NRXN1: variants seen among roughly 807,000 people sequenced by gnomAD.
NRXN1 encodes the protein neurexin-1.
Under a neutral mutation model 150.9 loss-of-function variants are expected in NRXN1, and 39 were observed. The ratio of observed to expected loss-of-function variants is 0.26; its 90% CI spans 0.20 to 0.34. The LOEUF (loss-of-function observed/expected upper bound fraction) is 0.34, where lower values mean the gene tolerates loss of function less well. Among genes scored for constraint, NRXN1 ranks in the 10% least tolerant of loss-of-function variants. The pLI, the probability that NRXN1 is intolerant of heterozygous loss-of-function variation, is 1.00. For synonymous variants in NRXN1, 924 were observed against 757.0 expected, an observed-to-expected ratio of 1.22 and a Z score of -3.62; for missense variants, 1,815 against 1,949.9, an observed-to-expected ratio of 0.93 and a Z score of 1.30.
At chr2:50,253,176 G>C (rs768386076) in intron 17 of NRXN1, among the ~76,000 whole-genome samples, 2 of 151,976 alleles carry the variant, frequency 1.3e-5, no homozygotes, top group Admixed American at 1.3e-4. Flanking sequence ...TGTAGTAATT[G>C]TGAATGGGAG....
At chr2:50,813,754 T>C (rs1229108878) in intron 5 of NRXN1, among the ~76,000 whole-genome samples, 8 of 152,098 alleles carry the variant, frequency 5.3e-5, no homozygotes, top group Non-Finnish European at 1.2e-4. Flanking sequence ...AATTAAAAGC[T>C]CAAAATCCAC....
intron 8 of NRXN1, among the ~76,000 whole-genome samples, chr2:50,559,061 GAC>G (rs1458076933): frequency 6.6e-6 from 1 of 152,112 alleles, no homozygotes; most frequent in African/African-American, 2.4e-5. Context: ...CAGCCTGGGT[GAC>G]AGAGTGAGAC....
intron 17 of NRXN1, among the ~76,000 whole-genome samples, chr2:50,436,892 A>G (rs1038504403): frequency 2.6e-5 from 4 of 152,174 alleles, no homozygotes; most frequent in African/African-American, 7.2e-5. Context: ...AAGAATGCTT[A>G]TACTAGATTA....
chr2:50,837,286 T>C (rs2105913356), intron 5 of NRXN1, among the ~76,000 whole-genome samples: 1 of 152,230 alleles, frequency 6.6e-6, no homozygotes, highest in Middle Eastern at 3.4e-3. Flanking sequence ...GCTTACCCCT[T>C]TAAAATACAA....
In NRXN1 at chr2:50,347,311, T is replaced by C. The variant is rs202109198; in HGVS notation, c.3365-110341A>G. 7.9e-7 allele frequency: 1 copy of C among 1,262,756 alleles called. No individual in the cohort carries two copies. The highest frequency in any genetic ancestry group is 2.5e-5 in the Admixed American group (1 of 39,906). The allele number at this position is 1,262,756 out of a possible 1,614,324, so 78.2% of individuals were successfully genotyped here. A position where few individuals can be genotyped will look rare whatever the true frequency, so the allele number is the denominator to read the frequency against. On this transcript the variant is annotated intron_variant, in intron 17 of 22. Coordinates refer to ENST00000401669, the MANE Select transcript of NRXN1 (RefSeq NM_001330078.2). This position sits in a 1 kb window ranked among gnomAD's most constrained non-coding sequence, Gnocchi z 4.9. ...TCGGGCGAGAGTGCGTGCCGGCGGG[T>C]GGGGGGCCGAGAAATTGTTTAAAGC...
intron 12 of NRXN1, among the ~76,000 whole-genome samples, chr2:50,520,131 T>A (rs1309023781): frequency 6.6e-6 from 1 of 151,918 alleles, no homozygotes; most frequent in Non-Finnish European, 1.5e-5. Context: ...ATTTAAGACA[T>A]TAATAAAACT....
At chr2:50,203,985 ATTTCACAAAATAT>A (rs2062380666) in intron 18 of NRXN1, among the ~76,000 whole-genome samples, 1 of 152,178 alleles carries the variant, frequency 6.6e-6, no homozygotes, top group Non-Finnish European at 1.5e-5. Flanking sequence ...CTGTGTAAAT[ATTTCACAAAATAT>A]TTGTTCTCAA....
At chr2:50,646,204 G>C (rs968252097) in intron 5 of NRXN1, among the ~76,000 whole-genome samples, 3 of 151,708 alleles carry the variant, frequency 2.0e-5, no homozygotes, top group African/African-American at 7.3e-5. Context: ...CATTTCTTTT[G>C]CACCAACCTA....
chr2:50,559,084 A>T (rs201659208), intron 8 of NRXN1, among the ~76,000 whole-genome samples: 20 of 151,992 alleles, frequency 1.3e-4, no homozygotes, highest in East Asian at 5.8e-4. Flanking sequence ...TCCGTCTCAA[A>T]AAATAAATAA....
chr2:50,634,706 G>T (rs1422799500), intron 5 of NRXN1, among the ~76,000 whole-genome samples: 1 of 152,130 alleles, frequency 6.6e-6, no homozygotes, highest in East Asian at 1.9e-4. Context: ...AGTGGAGGAG[G>T]AAGATGTAGT....
At chr2:50,449,136 A>G (rs992822780) in intron 17 of NRXN1, among the ~76,000 whole-genome samples, 1 of 152,186 alleles carries the variant, frequency 6.6e-6, no homozygotes, top group Non-Finnish European at 1.5e-5. Flanking sequence ...ATTTTAGAGC[A>G]TATTATTTCT....
chr2:49,931,842 T>C (rs764192026), intron 22 of NRXN1, among the ~76,000 whole-genome samples: 11 of 152,196 alleles, frequency 7.2e-5, no homozygotes, highest in Non-Finnish European at 1.0e-4. Context: ...TGGGAGCTCA[T>C]TGACTACAAC....
rs189537599 is a variant in NRXN1 at position 50,960,536 on chromosome 2, C to T, written c.773-34581G>A. 6.4e-4 allele frequency among the ~76,000 whole-genome samples: 97 copies of T among 151,958 alleles called. 1 individual carries two copies. Among genetic ancestry groups the T allele is most frequent in the African/African-American group, 2.2e-3 (91 of 41,500 alleles). ...AAACCCCAAGCTGGTGAAGTTGGTG[C>T]ACAACAAGAGAGACATATTATCACC... On this transcript the variant is annotated intron_variant, in intron 2 of 22. Coordinates refer to ENST00000401669, the MANE Select transcript of NRXN1 (RefSeq NM_001330078.2).
chr2:50,694,018 C>G (rs1265818516), intron 5 of NRXN1, among the ~76,000 whole-genome samples: 7 of 152,108 alleles, frequency 4.6e-5, no homozygotes, highest in Admixed American at 4.6e-4. Flanking sequence ...GTCTCAAACT[C>G]CCGGCCTCAA....
intron 5 of NRXN1, among the ~76,000 whole-genome samples, chr2:50,695,367 T>C (rs184253047): frequency 1.4e-4 from 22 of 152,300 alleles, no homozygotes; most frequent in African/African-American, 5.3e-4. Flanking sequence ...ATATAAGCTA[T>C]CAAGTTCAGA....
chr2:50,205,480 A>G (rs1243173699), intron 18 of NRXN1, among the ~76,000 whole-genome samples: 1 of 152,138 alleles, frequency 6.6e-6, no homozygotes, highest in Admixed American at 6.6e-5. Flanking sequence ...GTTTGAATAT[A>G]CATTATAGTT....
At chr2:50,859,844 G>A (rs6711187) in intron 5 of NRXN1, among the ~76,000 whole-genome samples, 1 of 50,526 alleles carries the variant, frequency 2.0e-5, no homozygotes, top group South Asian at 5.0e-4. Flanking sequence ...ATGTTTGTGT[G>A]TGTGTGTGTG....
intron 5 of NRXN1, among the ~76,000 whole-genome samples, chr2:50,834,757 C>T (rs1030767599): frequency 1.3e-5 from 2 of 152,036 alleles, no homozygotes; most frequent in South Asian, 4.2e-4. Flanking sequence ...ATCTTAGATT[C>T]CTAAGCAGGG....
chr2:50,413,346 C>T (rs749382910), intron 17 of NRXN1, among the ~76,000 whole-genome samples: 4 of 152,122 alleles, frequency 2.6e-5, no homozygotes, highest in Non-Finnish European at 5.9e-5. Flanking sequence ...TTCAATATCA[C>T]AGATCATCGG....
Sources: allele counts gnomAD v4.1 joint callset (sites outside exome capture counted in the v4.1 genomes callset), GRCh38; gene constraint gnomAD v4.1.1; non-coding constraint Gnocchi (gnomAD v3.1); transcripts MANE v1.5; gene names NCBI Gene and HGNC (gene_info 2026-07-23, HGNC 2026-07-21).